Variants in NTN1 observed in about 807,000 individuals in gnomAD.
The protein encoded by NTN1 is netrin-1.
In NTN1, 11 loss-of-function variants were observed where a neutral mutation model predicts 54.2. The observed-to-expected ratio is 0.20, with a 90% CI of 0.13 to 0.34. The LOEUF is 0.34. NTN1 is among the 10% of genes least tolerant of loss of function. NTN1 has a pLI of 1.00. For synonymous variants in NTN1, 371 were observed against 382.0 expected (o/e 0.97, Z 0.33); for missense variants, 740 against 893.1 (o/e 0.83, Z 2.18).
chr17:9,075,172 G>T (rs570238716), intron 2 of NTN1, among the ~76,000 whole-genome samples: 1 of 152,114 alleles, frequency 6.6e-6, no homozygotes, highest in South Asian at 2.1e-4. Context: ...CTCCTCTCCC[G>T]GTTCTTCCAT....
At chr17:9,034,226 C>T (rs2091896341) in intron 2 of NTN1, among the ~76,000 whole-genome samples, 1 of 152,064 alleles carries the variant, frequency 6.6e-6, no homozygotes, top group African/African-American at 2.4e-5. Context: ...GCCCTGTGTT[C>T]TGCCTTGAAA....
intron 2 of NTN1, among the ~76,000 whole-genome samples, chr17:9,039,868 C>T (rs1346384922): frequency 6.6e-6 from 1 of 151,998 alleles, no homozygotes; most frequent in African/African-American, 2.4e-5. Flanking sequence ...ATTGCTATAC[C>T]ACAATTTTTC....
chr17:9,088,598 T>G (rs768840965), intron 2 of NTN1, among the ~76,000 whole-genome samples: 18 of 152,132 alleles, frequency 1.2e-4, no homozygotes, highest in Non-Finnish European at 2.5e-4. Flanking sequence ...CTGGGTGGGT[T>G]GTTCATTTGA....
intron 2 of NTN1, among the ~76,000 whole-genome samples, chr17:9,061,540 C>T (rs150511553): frequency 1.9e-4 from 29 of 152,138 alleles, no homozygotes; most frequent in South Asian, 6.2e-4. Flanking sequence ...ATTGCTGGGC[C>T]CTTCCTCAAA....
intron 2 of NTN1, among the ~76,000 whole-genome samples, chr17:9,093,543 G>T (rs12950747): frequency 0.089 from 13,568 of 152,124 alleles, 709 homozygotes; most frequent in Non-Finnish European, 0.11. Flanking sequence ...TCTTAATTTT[G>T]GTAGAGATGG....
chr17:9,198,085 C>T (rs774319480), intron 5 of NTN1, among the ~76,000 whole-genome samples: 7 of 152,138 alleles, frequency 4.6e-5, no homozygotes, highest in Non-Finnish European at 7.3e-5. Context: ...TCCCCAGAAC[C>T]TCAGGGGGCC....
chr17:9,131,952 G>T (rs1266069991), intron 2 of NTN1, among the ~76,000 whole-genome samples: 1 of 149,906 alleles, frequency 6.7e-6, no homozygotes, highest in Non-Finnish European at 1.5e-5. Flanking sequence ...ACAGGCGCCC[G>T]CAACCACGCC....
chr17:9,017,087 A>G (rs2091833524), upstream of NTN1, among the ~76,000 whole-genome samples: 1 of 152,158 alleles, frequency 6.6e-6, no homozygotes, highest in Non-Finnish European at 1.5e-5. Context: ...GCATAGTTTT[A>G]TCTGTCTTCC....
Position 9,206,434 on chromosome 17 carries a change from G to A in NTN1, c.1412-14734G>A, listed in dbSNP as rs186381114. Among the ~76,000 whole-genome samples, 83 of 152,236 alleles carry A rather than the reference G, an allele frequency of 5.5e-4. No individual in the cohort carries two copies. In the East Asian group the frequency reaches 0.012, roughly 22 times the overall value. On this transcript the variant is annotated intron_variant, in intron 5 of 6. Coordinates refer to ENST00000173229, the MANE Select transcript of NTN1 (RefSeq NM_004822.3). Reference sequence around the variant, plus strand: ...TGCAGCCCCCAACCTCTCCCAGCCCGGCCACCCCACCCCTGAGCCAGGCTG... The same window carrying A: ...TGCAGCCCCCAACCTCTCCCAGCCCAGCCACCCCACCCCTGAGCCAGGCTG...
At chr17:9,154,324 G>A (rs1195709786) in intron 2 of NTN1, among the ~76,000 whole-genome samples, 1 of 152,240 alleles carries the variant, frequency 6.6e-6, no homozygotes, top group African/African-American at 2.4e-5. Context: ...CCAGGTAGGG[G>A]CTCAGTAAAT....
At chr17:9,120,415 G>A (rs2092228616) in intron 2 of NTN1, among the ~76,000 whole-genome samples, 1 of 152,184 alleles carries the variant, frequency 6.6e-6, no homozygotes, top group South Asian at 2.1e-4. Context: ...GATTTTGGGG[G>A]CCCTGCATAA....
chr17:9,157,259 G>A (rs1403832804), intron 2 of NTN1, among the ~76,000 whole-genome samples: 1 of 152,240 alleles, frequency 6.6e-6, no homozygotes, highest in African/African-American at 2.4e-5. Flanking sequence ...TCCATTAGAT[G>A]GGGAACCCAT....
rs918662401 is a variant in NTN1, at chr17:9,050,121, C to G, written c.1018+26730C>G. 4.0e-5 allele frequency among the ~76,000 whole-genome samples: 6 copies of G among 151,828 alleles called. No individual in the cohort carries two copies. In the South Asian group the frequency reaches 6.2e-4, roughly 16 times the overall value. On this transcript the variant is annotated intron_variant, in intron 2 of 6. Coordinates refer to ENST00000173229, the MANE Select transcript of NTN1 (RefSeq NM_004822.3). ...AATTAGCCAGGTGTGGTGGTGGACG[C>G]CTGTAGTCCCAGCTACTCGGGAGGC...
intron 2 of NTN1, among the ~76,000 whole-genome samples, chr17:9,118,595 G>A (rs2092222236): frequency 6.6e-6 from 1 of 152,086 alleles, no homozygotes; most frequent in South Asian, 2.1e-4. Flanking sequence ...ATAGATTTTA[G>A]GACCCCAAAA....
chr17:9,059,545 A>G (rs2091989597), intron 2 of NTN1, among the ~76,000 whole-genome samples: 1 of 152,230 alleles, frequency 6.6e-6, no homozygotes, highest in Admixed American at 6.5e-5. Context: ...CAGAAACAGT[A>G]TGCCAAGTGA....
At chr17:9,026,392 G>GGA (rs386385607) in intron 2 of NTN1, among the ~76,000 whole-genome samples, 3 of 40,490 alleles carry the variant, frequency 7.4e-5, no homozygotes, top group East Asian at 4.0e-4. Context: ...GATTTCTTCC[G>GGA]GGGGGGGGGA....
chr17:9,097,030 G>T (rs2092134325), intron 2 of NTN1, among the ~76,000 whole-genome samples: 1 of 152,088 alleles, frequency 6.6e-6, no homozygotes, highest in Admixed American at 6.5e-5. Flanking sequence ...TCTCTCTTTT[G>T]CATTGCTGAC....
intron 2 of NTN1, among the ~76,000 whole-genome samples, chr17:9,117,676 G>A (rs1377108558): frequency 2.6e-5 from 4 of 151,474 alleles, no homozygotes; most frequent in East Asian, 1.9e-4. Context: ...CTCGGGAGGC[G>A]GAGGTTGCAG....
At chr17:9,094,254 A>G (rs1289820022) in intron 2 of NTN1, among the ~76,000 whole-genome samples, 1 of 152,132 alleles carries the variant, frequency 6.6e-6, no homozygotes, top group East Asian at 1.9e-4. Context: ...ACAGATTCTG[A>G]TGAGTTTCTC....
Sources: allele counts gnomAD v4.1 joint callset (sites outside exome capture counted in the v4.1 genomes callset), GRCh38; gene constraint gnomAD v4.1.1; transcripts MANE v1.5; gene names NCBI Gene and HGNC (gene_info 2026-07-23, HGNC 2026-07-21).